Variants in SLC6A11 observed in about 807,000 individuals in gnomAD.
SLC6A11 encodes the protein solute carrier family 6 member 11.
A neutral mutation model predicts 74.8 loss-of-function variants in SLC6A11; 25 were observed. That is an observed-to-expected ratio of 0.33 (90% CI 0.24 to 0.47). SLC6A11 has a LOEUF of 0.47. Among genes scored for constraint, SLC6A11 ranks in the 20% least tolerant of loss-of-function variants. The pLI is 1.00. For missense variants in SLC6A11, 574 were observed against 837.0 expected, an observed-to-expected ratio of 0.69 and a Z score of 3.88; for synonymous variants, 330 against 330.2, an observed-to-expected ratio of 1.00 and a Z score of 0.01.
At chr3:10,862,535 T>C (rs1428905373) in intron 5 of SLC6A11, among the ~76,000 whole-genome samples, 3 of 152,230 alleles carry the variant, frequency 2.0e-5, no homozygotes, top group African/African-American at 4.8e-5. Flanking sequence ...TTAAGTATCT[T>C]GTCACCGTTG....
At chr3:10,922,998 A>G (rs1040217134) in intron 8 of SLC6A11, among the ~76,000 whole-genome samples, 2 of 152,066 alleles carry the variant, frequency 1.3e-5, no homozygotes, top group Non-Finnish European at 2.9e-5. Context: ...TTTTTCACTG[A>G]GAAAGAAGTT....
Position 10,940,526 on chromosome 3 carries a change from G to A in SLC6A11, c.*2124G>A, listed in dbSNP as rs1434593245. 2 of 152,000 alleles carry A rather than the reference G, an allele frequency of 1.3e-5. No homozygotes were observed. The highest frequency in any genetic ancestry group is 4.8e-5 in the African/African-American group (2 of 41,352). 9.4% of individuals were successfully genotyped at this position (152,000 alleles called of 1,614,324 possible). On this transcript the variant is annotated 3_prime_UTR_variant, in exon 14 of 14. Transcript: ENST00000254488. ...GTGGGGAGGGCAATGTGGGGGCAGG[G>A]GAACATGTCATTGTGATGACTTTTT...
At chr3:10,903,095 C>T (rs973555444) in intron 6 of SLC6A11, among the ~76,000 whole-genome samples, 1 of 152,114 alleles carries the variant, frequency 6.6e-6, no homozygotes, top group Admixed American at 6.5e-5. Context: ...CTGGTGCTTT[C>T]GTGGCAGGAT....
At chr3:10,886,802 C>G (rs925490009) in intron 6 of SLC6A11, among the ~76,000 whole-genome samples, 1 of 134,042 alleles carries the variant, frequency 7.5e-6, no homozygotes, top group Non-Finnish European at 1.6e-5. Flanking sequence ...AGCGAGACTC[C>G]ATCTCAAAAA....
intron 5 of SLC6A11, among the ~76,000 whole-genome samples, chr3:10,860,089 G>A (rs1214088215): frequency 6.6e-6 from 1 of 152,212 alleles, no homozygotes; most frequent in Non-Finnish European, 1.5e-5. Flanking sequence ...ATATGGAAGT[G>A]TGATCATCTC....
intron 6 of SLC6A11, among the ~76,000 whole-genome samples, chr3:10,902,632 C>T (rs768863630): frequency 6.6e-6 from 1 of 152,206 alleles, no homozygotes; most frequent in Non-Finnish European, 1.5e-5. Context: ...TAGCAGTAAG[C>T]GAAAGAGCAG....
rs528683410 is a variant in SLC6A11 at position 10,858,008 on chromosome 3, CT to C, written c.756+13663del. ...GTGAGACAGGAGAGCCGATGCACCA[CT>C]GAATATTGTCTATACTTTTTCTCCA... is the stretch of plus-strand genomic sequence containing the variant. On this transcript the variant is annotated intron_variant, in intron 5 of 13. Coordinates refer to ENST00000254488, the MANE Select transcript of SLC6A11 (RefSeq NM_014229.3). Among the ~76,000 whole-genome samples, 7 of 152,322 alleles carry C rather than the reference CT, an allele frequency of 4.6e-5. No individual in the cohort carries two copies. In the South Asian group the frequency reaches 1.5e-3, roughly 32 times the overall value.
At chr3:10,846,807 G>A (rs1694511129) in intron 5 of SLC6A11, among the ~76,000 whole-genome samples, 1 of 152,118 alleles carries the variant, frequency 6.6e-6, no homozygotes, top group African/African-American at 2.4e-5. Context: ...GAGAACCTGG[G>A]GCTAAGGGAG....
intron 6 of SLC6A11, among the ~76,000 whole-genome samples, chr3:10,888,288 G>C (rs915038355): frequency 6.6e-6 from 1 of 152,198 alleles, no homozygotes; most frequent in African/African-American, 2.4e-5. Context: ...CATTATAGCT[G>C]TTTAGAAAGG....
chr3:10,880,005 A>G (rs566615106), intron 6 of SLC6A11, among the ~76,000 whole-genome samples: 29 of 152,348 alleles, frequency 1.9e-4, no homozygotes, highest in African/African-American at 7.0e-4. Flanking sequence ...AATATTTAAA[A>G]AAAGCATGGA....
At chr3:10,899,548 T>C (rs1695212659) in intron 6 of SLC6A11, among the ~76,000 whole-genome samples, 1 of 152,242 alleles carries the variant, frequency 6.6e-6, no homozygotes, top group Admixed American at 6.5e-5. Context: ...GGAAGATCTA[T>C]TCCATTTCCC....
intron 4 of SLC6A11, among the ~76,000 whole-genome samples, chr3:10,836,060 T>TG (rs1694363059): frequency 1.3e-5 from 2 of 152,230 alleles, no homozygotes; most frequent in Non-Finnish European, 2.9e-5. Context: ...CAGCTATTTT[T>TG]TTTATCTCTG....
intron 10 of SLC6A11, among the ~76,000 whole-genome samples, chr3:10,930,798 TCTGA>T (rs1413250835): frequency 1.3e-5 from 2 of 152,074 alleles, no homozygotes; most frequent in Non-Finnish European, 2.9e-5. Context: ...ATACCCAACC[TCTGA>T]CTGAGGCCTC....
At chr3:10,898,995 A>G (rs150960952) in intron 6 of SLC6A11, among the ~76,000 whole-genome samples, 253 of 152,366 alleles carry the variant, frequency 1.7e-3, no homozygotes, top group African/African-American at 5.9e-3. Flanking sequence ...AGAGAGAATG[A>G]GAGCCAAGCA....
At chr3:10,889,382 A>T (rs1695082167) in intron 6 of SLC6A11, among the ~76,000 whole-genome samples, 1 of 152,048 alleles carries the variant, frequency 6.6e-6, no homozygotes, top group Non-Finnish European at 1.5e-5. Flanking sequence ...TGAATGTGTA[A>T]TGTCACGCAC....
chr3:10,894,743 A>G (rs915013775), intron 6 of SLC6A11, among the ~76,000 whole-genome samples: 1 of 152,196 alleles, frequency 6.6e-6, no homozygotes, highest in Non-Finnish European at 1.5e-5. Flanking sequence ...AGGCAATAAC[A>G]TGCAATACAA....
At chr3:10,925,821 C>T (rs1460024342) in intron 8 of SLC6A11, among the ~76,000 whole-genome samples, 183 bp from the exon 9 acceptor site, 1 of 152,232 alleles carries the variant, frequency 6.6e-6, no homozygotes, top group Non-Finnish European at 1.5e-5. Flanking sequence ...ACTTGCTCAT[C>T]TGCAAAATGG....
At chr3:10,874,932 T>C in intron 5 of SLC6A11, 29 bp from the exon 6 acceptor site, 1 of 1,580,012 alleles carries the variant, frequency 6.3e-7, no homozygotes, top group Non-Finnish European at 8.6e-7. Flanking sequence ...CACCCCCTTC[T>C]TGATTCTGTC....
intron 8 of SLC6A11, among the ~76,000 whole-genome samples, chr3:10,925,294 T>G (rs757080575): frequency 1.7e-4 from 26 of 152,268 alleles, no homozygotes; most frequent in Non-Finnish European, 2.1e-4. Flanking sequence ...GTCATCTCAC[T>G]GAATTCTCAA....
Sources: allele counts gnomAD v4.1 joint callset (sites outside exome capture counted in the v4.1 genomes callset), GRCh38; gene constraint gnomAD v4.1.1; transcripts MANE v1.5; gene names NCBI Gene and HGNC (gene_info 2026-07-23, HGNC 2026-07-21).